Variants in ZNF771 observed in about 807,000 individuals in gnomAD.
ZNF771 encodes the protein mesenchymal stem cell protein DSC43.
Under a neutral mutation model 27.6 loss-of-function variants are expected in ZNF771, and 10 were observed. The observed-to-expected ratio is 0.36, with a 90% CI of 0.22 to 0.61. ZNF771 has a LOEUF of 0.61. Among genes scored for constraint, ZNF771 ranks in the 20% least tolerant of loss-of-function variants. ZNF771 has a pLI of 0.70. For synonymous variants in ZNF771, 261 were observed against 225.2 expected, an observed-to-expected ratio of 1.16 and a Z score of -1.43; for missense variants, 438 against 503.7, an observed-to-expected ratio of 0.87 and a Z score of 1.25.
intron 2 of ZNF771, among the ~76,000 whole-genome samples, chr16:30,416,080 C>G (rs1329906766): frequency 1.3e-5 from 2 of 152,026 alleles, no homozygotes; most frequent in Admixed American, 1.3e-4. Flanking sequence ...TTGCCTTTTT[C>G]TTCACTGCTT....
chr16:30,414,306 C>A (rs1010392434), intron 2 of ZNF771: 1 of 152,138 alleles, frequency 6.6e-6, no homozygotes, highest in East Asian at 1.9e-4. Context: ...CCTTGAATCC[C>A]TCTTGGAGTG....
chr16:30,411,077 G>A (rs2050101458), intron 2 of ZNF771, among the ~76,000 whole-genome samples: 1 of 151,778 alleles, frequency 6.6e-6, no homozygotes, highest in African/African-American at 2.4e-5. Flanking sequence ...CCAGCACTTT[G>A]GGAGGCTGAG....
chr16:30,415,154 C>T (rs2050126968), intron 2 of ZNF771, among the ~76,000 whole-genome samples: 2 of 151,402 alleles, frequency 1.3e-5, no homozygotes, highest in Admixed American at 1.3e-4. Context: ...GACAGGGTTT[C>T]ACCATGTTGG....
chr16:30,409,087 A>G (rs2050091303), intron 2 of ZNF771, among the ~76,000 whole-genome samples: 1 of 151,806 alleles, frequency 6.6e-6, no homozygotes, highest in Non-Finnish European at 1.5e-5. Context: ...TGGTTCTCCT[A>G]CCTCAGCCTC....
In ZNF771 at chr16:30,417,882, G is replaced by T. The variant is rs1270966325; in HGVS notation, c.469G>T (p.Ala157Ser). The stretch of plus-strand genomic sequence containing the variant: ...ATGCGCGCACTGCGGCCGCCGCTTC[G>T]CGCAGAGCTCCAACTACGCACAGCA... The part of the protein sequence containing the change: ...YACAHCGRRF[A>S]QSSNYAQHLR... The change falls in exon 3 of 3, where the codon GCG becomes TCG. Residue 157 changes from alanine (A) to serine (S), a missense_variant. By Grantham distance (99) the Ala-to-Ser change is moderately conservative (BLOSUM62 1). This residue lies in a region of ZNF771 where 305 missense variants were observed against 308.0 expected (regional missense o/e 0.99). Transcript: ENST00000319296. The T allele has an allele frequency of 6.0e-6, 9 of 1,510,990 alleles. No homozygotes were observed. Among genetic ancestry groups the T allele is most frequent in the Non-Finnish European group, 7.9e-6 (9 of 1,139,170 alleles). The allele number at this position is 1,510,990 out of a possible 1,614,324, so 93.6% of individuals were successfully genotyped here.
At chr16:30,411,254 G>A (rs541798473) in intron 2 of ZNF771, among the ~76,000 whole-genome samples, 46 of 152,004 alleles carry the variant, frequency 3.0e-4, no homozygotes, top group Non-Finnish European at 5.9e-4. Context: ...GGGAGGCGGA[G>A]GTTGCAGTGA....
In ZNF771 at chr16:30,410,856, CAAAAAAAA is replaced by C. The variant is rs71149015; in HGVS notation, c.141+2682_141+2689del. On this transcript the variant is annotated intron_variant, in intron 2 of 2. Coordinates refer to ENST00000319296, the MANE Select transcript of ZNF771 (RefSeq NM_001142305.2). The stretch of plus-strand genomic sequence containing the variant: ...GCAACATAGGGAGACCTCATCTCTA[CAAAAAAAA>C]AAAAAAAAAAAAAAAAAAAGTTTAA... Among the ~76,000 whole-genome samples, 8 of 27,398 alleles carry C rather than the reference CAAAAAAAA, an allele frequency of 2.9e-4. 1 individual carries two copies. The East Asian group carries it at 6.8e-3, about 23-fold the overall frequency. The allele number at this position is 27,398 out of a possible 152,430, so 18.0% of individuals were successfully genotyped here. A position where few individuals can be genotyped will look rare whatever the true frequency, so the allele number is the denominator to read the frequency against.
chr16:30,414,946 CTTTTTTTTTTTTTTTTT>C (rs71149016), intron 2 of ZNF771, among the ~76,000 whole-genome samples: 11 of 59,468 alleles, frequency 1.8e-4, no homozygotes, highest in African/African-American at 8.9e-4. Context: ...CGCCCGGCCT[CTTTTTTTTTTTTTTTTT>C]TTTTTTTTTT....
At chr16:30,413,545 A>G in intron 2 of ZNF771, 1 of 405,596 alleles carries the variant, frequency 2.5e-6, no homozygotes, top group Non-Finnish European at 4.9e-6. Flanking sequence ...ACCACCTTAT[A>G]CCTCATGCTG....
intron 2 of ZNF771, 141 bp downstream of exon 2, chr16:30,408,335 C>T (rs1047930959): frequency 1.4e-5 from 17 of 1,183,310 alleles, no homozygotes; most frequent in Non-Finnish European, 2.1e-5. Context: ...CATCCTTCTG[C>T]CCTACTGCCT....
In ZNF771 at chr16:30,418,163, G is replaced by A; in HGVS notation, c.750G>A (p.Ala250=). 6.8e-7 allele frequency: 1 copy of A among 1,475,488 alleles called. No individual in the cohort carries two copies. The highest frequency in any genetic ancestry group is 8.9e-7 in the Non-Finnish European group (1 of 1,119,908). The allele number at this position is 1,475,488 out of a possible 1,614,324, so 91.4% of individuals were successfully genotyped here. A position where few individuals can be genotyped will look rare whatever the true frequency, so the allele number is the denominator to read the frequency against. The stretch of plus-strand genomic sequence containing the variant: ...ACCGCTCCAACCTGGCGGAGCACGC[G>A]CGCACGCACACAGGCGAGCGGCCCT... ...FGHRSNLAEH[A]RTHTGERPYP... Residue 250 remains alanine (A), a synonymous_variant, in exon 3 of 3, where the codon GCG becomes GCA. Coordinates refer to ENST00000319296, the MANE Select transcript of ZNF771 (RefSeq NM_001142305.2).
chr16:30,418,040 C>G lies in ZNF771; in HGVS notation c.627C>G (p.Gly209=), dbSNP rs1028738398. 1 of 1,447,672 alleles carries G rather than the reference C, an allele frequency of 6.9e-7. No individual in the cohort carries two copies. The highest frequency in any genetic ancestry group is 1.5e-5 in the African/African-American group (1 of 67,294). 89.7% of individuals were successfully genotyped at this position (1,447,672 alleles called of 1,614,324 possible). ...GERPYACADC[G]TRFAQSSALA... is the part of the protein sequence containing the mutation. ...GGCCCTACGCTTGCGCCGACTGCGG[C>G]ACGCGCTTCGCTCAGAGCTCGGCGC... The change falls in exon 3 of 3, where the codon GGC becomes GGG. Residue 209 remains glycine, a synonymous_variant. Transcript: ENST00000319296.
At chr16:30,415,638 C>A (rs1350970660) in intron 2 of ZNF771, among the ~76,000 whole-genome samples, 1 of 152,158 alleles carries the variant, frequency 6.6e-6, no homozygotes, top group Non-Finnish European at 1.5e-5. Context: ...GCCTCGGCCT[C>A]CCAAAGTGCT....
At chr16:30,411,833 T>C (rs574186246) in intron 2 of ZNF771, among the ~76,000 whole-genome samples, 2 of 152,294 alleles carry the variant, frequency 1.3e-5, no homozygotes, top group South Asian at 4.1e-4. Context: ...TGACATTCAG[T>C]GAGTCCTAGC....
chr16:30,413,547 C>A (rs1355857357), intron 2 of ZNF771: 3 of 402,338 alleles, frequency 7.5e-6, no homozygotes, highest in South Asian at 5.1e-5. Context: ...CACCTTATAC[C>A]TCATGCTGGG....
At chr16:30,408,583 A>C (rs1304043396) in intron 2 of ZNF771, among the ~76,000 whole-genome samples, 1 of 152,204 alleles carries the variant, frequency 6.6e-6, no homozygotes, top group Non-Finnish European at 1.5e-5. Context: ...AACAGTAACA[A>C]TAGCTAACCC....
In ZNF771 at chr16:30,417,968, C is replaced by A. The variant is rs766087626; in HGVS notation, c.555C>A (p.Gly185=). Residue 185 remains glycine, a synonymous_variant, in exon 3 of 3, where the codon GGC becomes GGA. Coordinates refer to ENST00000319296, the MANE Select transcript of ZNF771 (RefSeq NM_001142305.2). ...YACPDCGRAF[G]GSSCLARHRR... The stretch of plus-strand genomic sequence containing the variant: ...GCCCGGACTGCGGACGCGCCTTTGG[C>A]GGCAGCTCGTGCCTGGCGCGCCACC... 6.7e-7 allele frequency: 1 copy of A among 1,491,902 alleles called. No individual in the cohort carries two copies. Among genetic ancestry groups the A allele is most frequent in the Non-Finnish European group, 8.8e-7 (1 of 1,130,570 alleles). 92.4% of individuals were successfully genotyped at this position (1,491,902 alleles called of 1,614,324 possible). A position where few individuals can be genotyped will look rare whatever the true frequency, so the allele number is the denominator to read the frequency against.
chr16:30,410,604 G>A (rs2050098743), intron 2 of ZNF771, among the ~76,000 whole-genome samples: 1 of 152,008 alleles, frequency 6.6e-6, no homozygotes, highest in South Asian at 2.1e-4. Context: ...CCAGGAGGAG[G>A]AAACAGCAAA....
chr16:30,408,995 G>T (rs2050090766), intron 2 of ZNF771, among the ~76,000 whole-genome samples: 1 of 150,978 alleles, frequency 6.6e-6, no homozygotes, highest in Non-Finnish European at 1.5e-5. Context: ...TTTGTTTTGA[G>T]ACAGAGTTTC....
Sources: allele counts gnomAD v4.1 joint callset (sites outside exome capture counted in the v4.1 genomes callset), GRCh38; gene constraint gnomAD v4.1.1; regional missense constraint gnomAD v4.1.1; transcripts MANE v1.5; gene names NCBI Gene and HGNC (gene_info 2026-07-23, HGNC 2026-07-21).